Variants in PAX7 observed in about 807,000 individuals in gnomAD.
PAX7 encodes paired box 7, also known as paired box protein Pax-7.
A neutral mutation model predicts 50.7 loss-of-function variants in PAX7; 18 were observed. That is an observed-to-expected ratio of 0.36 (90% confidence interval 0.25 to 0.53). The LOEUF (loss-of-function observed/expected upper bound fraction) is 0.53, where lower values mean the gene tolerates loss of function less well. Among genes scored for constraint, PAX7 ranks in the 20% least tolerant of loss-of-function variants. The pLI is 0.93. For synonymous variants in PAX7, 310 were observed against 290.4 expected (o/e 1.07, Z -0.69); for missense variants, 644 against 702.9 (o/e 0.92, Z 0.95).
At chr1:18,640,731 G>A (rs2088238298) in intron 4 of PAX7, among the ~76,000 whole-genome samples, 1 of 152,072 alleles carries the variant, frequency 6.6e-6, no homozygotes, top group Non-Finnish European at 1.5e-5. Context: ...GGGCTCGGAG[G>A]AAGATGGGAG....
At chr1:18,743,128 G>T (rs1477741904) in intron 8 of PAX7, among the ~76,000 whole-genome samples, 1 of 152,170 alleles carries the variant, frequency 6.6e-6, no homozygotes, top group Non-Finnish European at 1.5e-5. Context: ...CTCACATTGT[G>T]CCAGGCATAG....
chr1:18,633,324 C>T (rs932400013), intron 1 of PAX7, among the ~76,000 whole-genome samples: 1 of 152,112 alleles, frequency 6.6e-6, no homozygotes, highest in African/African-American at 2.4e-5. Flanking sequence ...GGATCGAGGC[C>T]GGATTAGTGC....
chr1:18,690,625 T>C (rs983225624), intron 4 of PAX7, among the ~76,000 whole-genome samples: 1 of 152,212 alleles, frequency 6.6e-6, no homozygotes, highest in Non-Finnish European at 1.5e-5. Flanking sequence ...CAACCAGGCC[T>C]GGGAAGTGAG....
chr1:18,712,510 C>T (rs563002269), intron 7 of PAX7, among the ~76,000 whole-genome samples: 12 of 152,262 alleles, frequency 7.9e-5, no homozygotes, highest in African/African-American at 2.6e-4. Flanking sequence ...AAACCCCTCC[C>T]GGAAAGAAAG....
chr1:18,719,738 G>A (rs2089471789), intron 7 of PAX7, among the ~76,000 whole-genome samples: 1 of 152,162 alleles, frequency 6.6e-6, no homozygotes, highest in Admixed American at 6.5e-5. Context: ...CCCCTGGACT[G>A]TGGCTCCAAC....
chr1:18,676,620 G>C (rs902384999), intron 4 of PAX7, among the ~76,000 whole-genome samples: 1 of 152,160 alleles, frequency 6.6e-6, no homozygotes, highest in African/African-American at 2.4e-5. Flanking sequence ...GCAGGCCCCA[G>C]GCAGAATGGG....
At chr1:18,713,743 G>C (rs151174815) in intron 7 of PAX7, among the ~76,000 whole-genome samples, 5 of 152,324 alleles carry the variant, frequency 3.3e-5, no homozygotes, top group African/African-American at 1.2e-4. Flanking sequence ...GTCAGAGAAG[G>C]CTTCCTGGAA....
At position 18,634,496 on chromosome 1, in the gene PAX7, C is replaced by T. The variant is rs186595563; in HGVS notation, c.279C>T (p.Thr93=). 65 of 1,614,076 alleles carry T rather than the reference C, an allele frequency of 4.0e-5. No homozygotes were observed. The East Asian group carries it at 6.5e-4, about 16-fold the overall frequency. ...AGATTCTTTGCCGCTACCAGGAGACCGGGTCCATCCGGCCTGGGGCCATCG... is the reference window on the plus strand; with the variant it reads ...AGATTCTTTGCCGCTACCAGGAGACTGGGTCCATCCGGCCTGGGGCCATCG... ...VSKILCRYQE[T]GSIRPGAIGG... Residue 93 remains threonine, a synonymous_variant, in exon 2 of 9, where the codon ACC becomes ACT. Transcript: ENST00000420770. The surrounding 1 kb of genome is among the most constrained non-coding windows in gnomAD (Gnocchi z 4.0).
intron 7 of PAX7, among the ~76,000 whole-genome samples, chr1:18,725,792 G>T (rs1030913934): frequency 5.3e-5 from 8 of 152,184 alleles, no homozygotes; most frequent in Non-Finnish European, 8.8e-5. Flanking sequence ...TCACTACACC[G>T]TTAGCACCAG....
chr1:18,667,874 C>T (rs1457734976), intron 4 of PAX7, among the ~76,000 whole-genome samples: 1 of 152,122 alleles, frequency 6.6e-6, no homozygotes, highest in Non-Finnish European at 1.5e-5. Flanking sequence ...AGGACACATG[C>T]CCTCTCCCCA....
At chr1:18,651,105 T>C (rs1196664157) in intron 4 of PAX7, among the ~76,000 whole-genome samples, 1 of 152,146 alleles carries the variant, frequency 6.6e-6, no homozygotes, top group Non-Finnish European at 1.5e-5. Context: ...CCATGTCCCC[T>C]GAGCTGTGGC....
At chr1:18,667,402 G>A (rs1416402668) in intron 4 of PAX7, among the ~76,000 whole-genome samples, 1 of 124,754 alleles carries the variant, frequency 8.0e-6, no homozygotes, top group African/African-American at 3.2e-5. Flanking sequence ...AAGGAAGGAA[G>A]GAAGGAAGGA....
intron 4 of PAX7, among the ~76,000 whole-genome samples, chr1:18,654,511 C>T (rs537430191): frequency 6.6e-6 from 1 of 152,340 alleles, no homozygotes; most frequent in Admixed American, 6.5e-5. Context: ...TGCCTTCCTC[C>T]TTCCTAAATC....
intron 4 of PAX7, among the ~76,000 whole-genome samples, chr1:18,669,015 A>T (rs1443888144): frequency 6.6e-6 from 1 of 152,190 alleles, no homozygotes; most frequent in Non-Finnish European, 1.5e-5. Flanking sequence ...GGCTTCCTCA[A>T]GTTTCCTCCT....
At chr1:18,676,457 C>T (rs1252612499) in intron 4 of PAX7, among the ~76,000 whole-genome samples, 2 of 144,090 alleles carry the variant, frequency 1.4e-5, no homozygotes, top group East Asian at 4.1e-4. Flanking sequence ...TGCCCAGCGA[C>T]CAGCCGGAGA....
intron 7 of PAX7, among the ~76,000 whole-genome samples, chr1:18,723,564 G>T (rs1471528949): frequency 6.6e-6 from 1 of 152,236 alleles, no homozygotes; most frequent in Non-Finnish European, 1.5e-5. Context: ...CTCTTTGTAG[G>T]TCAAGACCAG....
intron 4 of PAX7, among the ~76,000 whole-genome samples, chr1:18,643,614 C>G (rs2088292731): frequency 6.6e-6 from 1 of 151,864 alleles, no homozygotes; most frequent in Admixed American, 6.6e-5. Context: ...CGCGGGAGAG[C>G]ACGGGCCGAG....
At position 18,632,272 on chromosome 1, in the gene PAX7, A is replaced by T. The variant is rs866415506; in HGVS notation, c.85+584A>T. 6.6e-6 allele frequency among the ~76,000 whole-genome samples: 1 copy of T among 152,084 alleles called. No homozygotes were observed. The highest frequency in any genetic ancestry group is 1.5e-5 in the Non-Finnish European group (1 of 68,014). On this transcript the variant is annotated intron_variant, in intron 1 of 8. Transcript: ENST00000420770. The surrounding 1 kb of genome is among the most constrained non-coding windows in gnomAD (Gnocchi z 6.3). Reference sequence around the variant, plus strand: ...AATTAGTAATGATTTTCCCCCTAAAACTTTTTACTCGGGCTTCCGCACTCT... The same window carrying T: ...AATTAGTAATGATTTTCCCCCTAAATCTTTTTACTCGGGCTTCCGCACTCT...
intron 4 of PAX7, among the ~76,000 whole-genome samples, chr1:18,654,533 A>C (rs2088483077): frequency 6.6e-6 from 1 of 152,150 alleles, no homozygotes; most frequent in Non-Finnish European, 1.5e-5. Flanking sequence ...CCACTCACCC[A>C]CTTCTTCCCA....
Sources: gnomAD v4.1 joint callset for allele counts (sites outside exome capture counted in the v4.1 genomes callset) on GRCh38, gnomAD v4.1.1 for gene constraint, Gnocchi (gnomAD v3.1) non-coding constraint, MANE v1.5 for transcripts, NCBI Gene and HGNC (gene_info 2026-07-23, HGNC 2026-07-21) for gene names.